ABTB2: variants seen among roughly 807,000 people sequenced by gnomAD.
ABTB2 encodes the protein ankyrin repeat and BTB/POZ domain-containing protein 2.
A neutral mutation model predicts 104.1 loss-of-function variants in ABTB2; 56 were observed. That is an observed-to-expected ratio of 0.54 (90% CI 0.43 to 0.67). The LOEUF is 0.67. Ranked by LOEUF, ABTB2 falls within the 30% of genes least tolerant of loss-of-function variation. ABTB2 has a pLI of 0.00. For synonymous variants in ABTB2, 606 were observed against 608.2 expected (o/e 1.00, Z 0.05); for missense variants, 1,279 against 1,407.7 (o/e 0.91, Z 1.46).
At chr11:34,186,904 C>T (rs761265147) in intron 3 of ABTB2, among the ~76,000 whole-genome samples, 3 of 152,196 alleles carry the variant, frequency 2.0e-5, no homozygotes, top group Non-Finnish European at 2.9e-5. Context: ...AGGTGCTGAC[C>T]GAGATCCCCG....
At chr11:34,174,437 G>T (rs1226516133) in intron 3 of ABTB2, among the ~76,000 whole-genome samples, 4 of 152,202 alleles carry the variant, frequency 2.6e-5, no homozygotes, top group Admixed American at 6.5e-5. Context: ...CAAAAGCAGG[G>T]AAAGGCGGCG....
intron 7 of ABTB2, among the ~76,000 whole-genome samples, chr11:34,165,914 G>T (rs138619070): frequency 0.012 from 1,803 of 152,356 alleles, 20 homozygotes; most frequent in Non-Finnish European, 0.019. Context: ...AGGTGGTGGG[G>T]CTGAAGCAGG....
chr11:34,185,382 T>C (rs1156734126), intron 3 of ABTB2, among the ~76,000 whole-genome samples: 2 of 152,166 alleles, frequency 1.3e-5, no homozygotes, highest in Non-Finnish European at 2.9e-5. Flanking sequence ...GACCCTGCTT[T>C]GTGCATCCAC....
chr11:34,347,894 A>T (rs953228094), intron 1 of ABTB2, among the ~76,000 whole-genome samples: 16 of 152,288 alleles, frequency 1.1e-4, no homozygotes, highest in African/African-American at 3.8e-4. Context: ...CGAAAAAAAA[A>T]AGTTCTGGGA....
At chr11:34,284,668 C>T (rs1854484197) in intron 1 of ABTB2, among the ~76,000 whole-genome samples, 1 of 152,170 alleles carries the variant, frequency 6.6e-6, no homozygotes, top group Non-Finnish European at 1.5e-5. Context: ...TAACTGTAAC[C>T]AGAGAGGTGG....
chr11:34,336,101 C>A lies in ABTB2; in HGVS notation c.883+20600G>T, dbSNP rs1041655946. 9.5e-5 allele frequency: 28 copies of A among 295,780 alleles called. No homozygotes were observed. The South Asian group carries it at 1.0e-3, about 11-fold the overall frequency. The allele number at this position is 295,780 out of a possible 1,614,324, so 18.3% of individuals were successfully genotyped here. The stretch of plus-strand genomic sequence containing the variant: ...GCTGTCCCAGAACCTGACGTTCCTG[C>A]CATCCAATATTTGTTTTTAATTTCT... On this transcript the variant is annotated intron_variant, in intron 1 of 16. Coordinates refer to ENST00000435224, the MANE Select transcript of ABTB2 (RefSeq NM_145804.3).
chr11:34,340,492 G>A (rs1427821267), intron 1 of ABTB2, among the ~76,000 whole-genome samples: 2 of 152,162 alleles, frequency 1.3e-5, no homozygotes, highest in African/African-American at 4.8e-5. Flanking sequence ...AAGTGACTGG[G>A]GGAGTCAAGG....
At chr11:34,243,808 G>A (rs1853950848) in intron 1 of ABTB2, among the ~76,000 whole-genome samples, 1 of 152,132 alleles carries the variant, frequency 6.6e-6, no homozygotes, top group Admixed American at 6.6e-5. Context: ...CTAGAGCACG[G>A]TTCTTCGCAG....
At chr11:34,196,468 G>A (rs1283346961) in intron 3 of ABTB2, among the ~76,000 whole-genome samples, 1 of 152,196 alleles carries the variant, frequency 6.6e-6, no homozygotes, top group Non-Finnish European at 1.5e-5. Context: ...GCAGGAGAAT[G>A]GCGTGAACCT....
At chr11:34,199,533 A>C (rs935947523) in intron 2 of ABTB2, among the ~76,000 whole-genome samples, 22 of 152,202 alleles carry the variant, frequency 1.4e-4, no homozygotes, top group African/African-American at 5.1e-4. Context: ...TCAGGTTTGA[A>C]AATCACCAGG....
intron 2 of ABTB2, among the ~76,000 whole-genome samples, chr11:34,200,074 T>C (rs1296971527): frequency 6.6e-6 from 1 of 152,112 alleles, no homozygotes; most frequent in Non-Finnish European, 1.5e-5. Context: ...CCAACCCGCC[T>C]CACAGCAGCC....
intron 1 of ABTB2, among the ~76,000 whole-genome samples, chr11:34,300,206 C>G (rs1003277100): frequency 9.2e-5 from 14 of 152,168 alleles, no homozygotes; most frequent in African/African-American, 3.1e-4. Context: ...TCTTGTCACA[C>G]CCTTGCTTCA....
intron 2 of ABTB2, among the ~76,000 whole-genome samples, chr11:34,201,070 A>C (rs952631163): frequency 9.2e-5 from 14 of 152,212 alleles, no homozygotes; most frequent in Non-Finnish European, 1.5e-5. Context: ...TTCATTCTGC[A>C]GCAGACTGAG....
chr11:34,195,007 T>C (rs1853231515), intron 3 of ABTB2, among the ~76,000 whole-genome samples: 1 of 146,348 alleles, frequency 6.8e-6, no homozygotes, highest in East Asian at 2.0e-4. Context: ...CCTGATGCTG[T>C]GTATTAGAGT....
intron 1 of ABTB2, among the ~76,000 whole-genome samples, chr11:34,213,013 G>A (rs1018840958): frequency 3.3e-5 from 5 of 152,180 alleles, no homozygotes; most frequent in Admixed American, 1.3e-4. Flanking sequence ...ACCTCACTCC[G>A]AACACCGGGC....
chr11:34,293,483 C>T (rs1339013676), intron 1 of ABTB2, among the ~76,000 whole-genome samples: 1 of 152,152 alleles, frequency 6.6e-6, no homozygotes, highest in African/African-American at 2.4e-5. Context: ...TCTCAACCCT[C>T]AGGAGAAGGA....
intron 1 of ABTB2, among the ~76,000 whole-genome samples, chr11:34,233,726 T>C (rs572164194): frequency 2.0e-5 from 3 of 152,236 alleles, no homozygotes; most frequent in South Asian, 2.1e-4. Flanking sequence ...ATAAAGTTTC[T>C]TTTAATACTA....
At chr11:34,326,779 A>G (rs1427392390) in intron 1 of ABTB2, among the ~76,000 whole-genome samples, 2 of 152,214 alleles carry the variant, frequency 1.3e-5, no homozygotes, top group Non-Finnish European at 2.9e-5. Flanking sequence ...TTCTAAACAT[A>G]TCAGTTAGGG....
At chr11:34,190,918 G>A (rs991464141) in intron 3 of ABTB2, among the ~76,000 whole-genome samples, 1 of 152,148 alleles carries the variant, frequency 6.6e-6, no homozygotes, top group Non-Finnish European at 1.5e-5. Flanking sequence ...TATGTGCCTA[G>A]CATTTAGCTA....
Sources: gnomAD v4.1 joint callset for allele counts (sites outside exome capture counted in the v4.1 genomes callset) on GRCh38, gnomAD v4.1.1 for gene constraint, MANE v1.5 for transcripts, NCBI Gene and HGNC (gene_info 2026-07-23, HGNC 2026-07-21) for gene names.